Variants in PNPLA8 observed in about 807,000 individuals in gnomAD.
PNPLA8 encodes calcium-independent phospholipase A2-gamma.
Under a neutral mutation model 76.9 loss-of-function variants are expected in PNPLA8, and 39 were observed. The ratio of observed to expected loss-of-function variants is 0.51; its 90% CI spans 0.39 to 0.66. The LOEUF (loss-of-function observed/expected upper bound fraction) is 0.66, where lower values mean the gene tolerates loss of function less well. Ranked by LOEUF, PNPLA8 falls within the 30% of genes least tolerant of loss-of-function variation. The probability of loss-of-function intolerance (pLI) is 0.00; values close to 1 mark genes in which losing one functional copy is unlikely to be tolerated. For synonymous variants in PNPLA8, 301 were observed against 307.9 expected (o/e 0.98, Z 0.24); for missense variants, 887 against 918.0 (o/e 0.97, Z 0.44).
Position 108,479,287 on chromosome 7 carries a change from G to A in PNPLA8, c.1971C>T (p.Ser657=), listed in dbSNP as rs34848302. 12,148 of 1,609,186 alleles carry A rather than the reference G, an allele frequency of 7.5e-3. 55 individuals carry two copies. The highest frequency in any genetic ancestry group is 0.012 in the Middle Eastern group (73 of 6,054). ...CACTCTCATAACGTCCAGTGCCCAG[G>A]GATACTATGCACTCTAACGGCACAT... ...WPDVPLECIV[S]LGTGRYESDV... is the part of the protein sequence containing the mutation. Residue 657 remains serine (S), a synonymous_variant, in exon 10 of 11, where the codon TCC becomes TCT. Coordinates refer to ENST00000257694, the MANE Select transcript of PNPLA8 (RefSeq NM_001256007.3).
chr7:108,522,750 T>C (rs1309862671), intron 1 of PNPLA8, among the ~76,000 whole-genome samples: 1 of 152,218 alleles, frequency 6.6e-6, no homozygotes, highest in Non-Finnish European at 1.5e-5. Context: ...GAATTTTGCA[T>C]TGTTTCTTTC....
At chr7:108,502,735 G>A in intron 4 of PNPLA8, 93 bp from the exon 5 acceptor site, 1 of 783,806 alleles carries the variant, frequency 1.3e-6, no homozygotes, top group Non-Finnish European at 2.0e-6. Context: ...TTCACCACAT[G>A]ACAACCAAGG....
intron 4 of PNPLA8, among the ~76,000 whole-genome samples, chr7:108,512,667 C>A (rs1214820752): frequency 6.6e-6 from 1 of 152,128 alleles, no homozygotes; most frequent in African/African-American, 2.4e-5. Context: ...GAAAAGTTCA[C>A]ACTAGAGTGT....
intron 9 of PNPLA8, among the ~76,000 whole-genome samples, chr7:108,484,501 C>T: frequency 6.6e-6 from 1 of 152,116 alleles, no homozygotes; most frequent in Non-Finnish European, 1.5e-5. Context: ...GCTGGGATTA[C>T]AGGTGTAAGC....
At chr7:108,507,341 C>CAAAA (rs66685490) in intron 4 of PNPLA8, among the ~76,000 whole-genome samples, 28 of 45,374 alleles carry the variant, frequency 6.2e-4, no homozygotes, top group African/African-American at 7.9e-4. Context: ...GACTCTGTCT[C>CAAAA]AAAAAAAAAA....
At chr7:108,474,338 G>A (rs1312911599) in intron 10 of PNPLA8, among the ~76,000 whole-genome samples, 1 of 152,168 alleles carries the variant, frequency 6.6e-6, no homozygotes, top group African/African-American at 2.4e-5. Flanking sequence ...AGGGTAAGAT[G>A]TCTAGTCTCA....
intron 4 of PNPLA8, chr7:108,510,518 G>C (rs1268688800): frequency 1.6e-5 from 22 of 1,365,816 alleles, no homozygotes; most frequent in Non-Finnish European, 2.3e-5. Context: ...CAGAATCAGA[G>C]GTATCAGTGG....
At chr7:108,483,628 T>C (rs192461786) in intron 9 of PNPLA8, among the ~76,000 whole-genome samples, 110 of 152,342 alleles carry the variant, frequency 7.2e-4, no homozygotes, top group African/African-American at 2.6e-3. Flanking sequence ...TGTTTGAATA[T>C]ACCATAGTTT....
chr7:108,518,113 G>A (rs1199310741), intron 2 of PNPLA8: 1 of 152,120 alleles, frequency 6.6e-6, no homozygotes, highest in African/African-American at 2.4e-5. Context: ...TAGCTCTATG[G>A]GTTGTCTTTT....
At chr7:108,487,645 C>A in intron 9 of PNPLA8, 114 bp downstream of exon 9, 2 of 517,742 alleles carry the variant, frequency 3.9e-6, no homozygotes, top group South Asian at 4.7e-5. Context: ...GATATGAAGA[C>A]ACAAAGAAGA....
intron 10 of PNPLA8, among the ~76,000 whole-genome samples, chr7:108,478,133 A>G (rs1598866923): frequency 6.6e-6 from 1 of 152,200 alleles, no homozygotes; most frequent in African/African-American, 2.4e-5. Flanking sequence ...GATGATAAGG[A>G]AAATGGAAAA....
At chr7:108,475,902 C>G (rs967719673) in intron 10 of PNPLA8, among the ~76,000 whole-genome samples, 1 of 152,162 alleles carries the variant, frequency 6.6e-6, no homozygotes, top group African/African-American at 2.4e-5. Flanking sequence ...GAGGAAATAT[C>G]TGGTCCCTAA....
intron 7 of PNPLA8, 75 bp from the exon 8 acceptor site, chr7:108,491,542 C>T (rs1454903788): frequency 5.5e-6 from 5 of 910,528 alleles, no homozygotes; most frequent in Non-Finnish European, 9.2e-6. Context: ...ATACAGTATG[C>T]AATTACTATT....
chr7:108,518,778 T>C (rs1353176725), intron 2 of PNPLA8, among the ~76,000 whole-genome samples: 9 of 130,986 alleles, frequency 6.9e-5, no homozygotes, highest in East Asian at 2.1e-4. Context: ...CACACACATA[T>C]ATTAAGAAAT....
At chr7:108,510,809 A>C (rs1440246371) in intron 4 of PNPLA8, 1 of 1,600,818 alleles carries the variant, frequency 6.2e-7, no homozygotes, top group African/African-American at 1.3e-5. Context: ...GATTCATGAG[A>C]TCTATACTGT....
At chr7:108,501,262 C>G (rs1861927084) in intron 5 of PNPLA8, among the ~76,000 whole-genome samples, 1 of 152,030 alleles carries the variant, frequency 6.6e-6, no homozygotes, top group Non-Finnish European at 1.5e-5. Flanking sequence ...GTTTGAAAAA[C>G]CAAGCCAAAA....
intron 5 of PNPLA8, among the ~76,000 whole-genome samples, chr7:108,498,210 T>G (rs1861697192): frequency 6.6e-6 from 1 of 151,420 alleles, no homozygotes. Context: ...CTTGGTTTCC[T>G]CTCTTACTAA....
rs553144288 is a variant in PNPLA8 at position 108,480,892 on chromosome 7, C to A, written c.1879-1513G>T. On this transcript the variant is annotated intron_variant, in intron 9 of 10. Coordinates refer to ENST00000257694, the MANE Select transcript of PNPLA8 (RefSeq NM_001256007.3). Reference sequence around the variant, plus strand: ...CTCTCATGCTATGTCTTTGTAGGCACCCCTCCTCCCACCCATAACCCTTGA... The same window carrying A: ...CTCTCATGCTATGTCTTTGTAGGCAACCCTCCTCCCACCCATAACCCTTGA... Among the ~76,000 whole-genome samples the A allele has an allele frequency of 6.8e-4, 103 of 152,238 alleles. No homozygotes were observed. The Middle Eastern group carries it at 0.017, about 25-fold the overall frequency.
intron 4 of PNPLA8, among the ~76,000 whole-genome samples, chr7:108,507,484 T>C (rs1345460686): frequency 6.6e-6 from 1 of 152,040 alleles, no homozygotes; most frequent in East Asian, 1.9e-4. Flanking sequence ...TGAGACCCTC[T>C]TTCCACAAAA....
Sources: allele counts gnomAD v4.1 joint callset (sites outside exome capture counted in the v4.1 genomes callset), GRCh38; gene constraint gnomAD v4.1.1; transcripts MANE v1.5; gene names NCBI Gene and HGNC (gene_info 2026-07-23, HGNC 2026-07-21).